Variants in TBC1D5 observed in about 807,000 individuals in gnomAD.
TBC1D5 encodes the protein TBC1 domain family member 5, also known as TBC1 domain family, member 5.
In TBC1D5, 75 loss-of-function variants were observed where a neutral mutation model predicts 100.3. The observed-to-expected ratio is 0.75, with a 90% CI of 0.62 to 0.91. The LOEUF (loss-of-function observed/expected upper bound fraction) is 0.91. Ranked by LOEUF, TBC1D5 falls within the 40% of genes least tolerant of loss-of-function variation. The pLI is 0.00. For missense variants in TBC1D5, 910 were observed against 942.4 expected, an observed-to-expected ratio of 0.97 and a Z score of 0.45; for synonymous variants, 323 against 325.6, an observed-to-expected ratio of 0.99 and a Z score of 0.09.
At chr3:17,560,491 A>C (rs112008513) in intron 2 of TBC1D5, among the ~76,000 whole-genome samples, 3 of 151,998 alleles carry the variant, frequency 2.0e-5, no homozygotes, top group African/African-American at 7.3e-5. Flanking sequence ...TGGTGGTATG[A>C]ATCTGTAGTC....
At chr3:17,368,157 A>G (rs766380268) in intron 13 of TBC1D5, among the ~76,000 whole-genome samples, 2 of 150,540 alleles carry the variant, frequency 1.3e-5, no homozygotes, top group African/African-American at 4.9e-5. Context: ...AAACTGTTAT[A>G]TAATATTCAA....
rs138743469 is a variant in TBC1D5 at position 17,450,150 on chromosome 3, T to C, written c.98-21631A>G. 1.5e-3 allele frequency among the ~76,000 whole-genome samples: 230 copies of C among 152,200 alleles called. 6 individuals carry two copies. In the East Asian group the frequency reaches 0.035, roughly 23 times the overall value. On this transcript the variant is annotated intron_variant, in intron 3 of 21. Transcript: ENST00000253692. Reference sequence around the variant, plus strand: ...AATTGCAGAAGAGGGGCCTGACTGTTAGAAAGTAAACTAACAAACAGAAAG... The same window carrying C: ...AATTGCAGAAGAGGGGCCTGACTGTCAGAAAGTAAACTAACAAACAGAAAG...
chr3:17,563,161 G>A (rs558939737), intron 2 of TBC1D5, among the ~76,000 whole-genome samples: 1 of 152,272 alleles, frequency 6.6e-6, no homozygotes, highest in South Asian at 2.1e-4. Context: ...GACTAAAATT[G>A]GGAATACTAG....
chr3:17,191,465 G>A (rs2069883415), intron 18 of TBC1D5, among the ~76,000 whole-genome samples: 1 of 152,180 alleles, frequency 6.6e-6, no homozygotes, highest in African/African-American at 2.4e-5. Flanking sequence ...ATGAATGCAT[G>A]CAAGAATAAC....
At chr3:17,346,105 T>G (rs1272858135) in intron 13 of TBC1D5, among the ~76,000 whole-genome samples, 1 of 152,136 alleles carries the variant, frequency 6.6e-6, no homozygotes, top group Non-Finnish European at 1.5e-5. Flanking sequence ...ATAATACTAT[T>G]GCCAAAAAAT....
chr3:17,564,921 A>T (rs908046226), intron 2 of TBC1D5, among the ~76,000 whole-genome samples: 2 of 152,194 alleles, frequency 1.3e-5, no homozygotes, highest in Non-Finnish European at 2.9e-5. Flanking sequence ...AACATCATAT[A>T]TTCATTTTTG....
chr3:17,333,812 A>C (rs2087246595), intron 13 of TBC1D5, among the ~76,000 whole-genome samples: 2 of 152,170 alleles, frequency 1.3e-5, no homozygotes, highest in South Asian at 4.1e-4. Flanking sequence ...GCTAAGGTCC[A>C]TTAGAAGCTA....
intron 19 of TBC1D5, among the ~76,000 whole-genome samples, chr3:17,175,452 AT>A (rs2067615429): frequency 1.3e-5 from 2 of 152,198 alleles, no homozygotes; most frequent in Non-Finnish European, 2.9e-5. Context: ...TCCCAGTAAA[AT>A]CTGTCATAAT....
chr3:17,447,248 G>A (rs943657219), intron 3 of TBC1D5, among the ~76,000 whole-genome samples: 14 of 152,176 alleles, frequency 9.2e-5, no homozygotes, highest in Admixed American at 5.2e-4. Flanking sequence ...CTCAGAAAAC[G>A]AGAATAAAGC....
intron 1 of TBC1D5, among the ~76,000 whole-genome samples, chr3:17,684,736 C>G (rs1321980660): frequency 6.6e-6 from 1 of 151,838 alleles, no homozygotes; most frequent in African/African-American, 2.4e-5. Flanking sequence ...ATAAAAATTT[C>G]CATAAGAAAT....
chr3:17,595,036 C>G (rs1403657084), intron 2 of TBC1D5, among the ~76,000 whole-genome samples: 2 of 152,078 alleles, frequency 1.3e-5, no homozygotes, highest in Non-Finnish European at 2.9e-5. Flanking sequence ...TATAAGCAGG[C>G]AGAAAAGTGT....
intron 1 of TBC1D5, among the ~76,000 whole-genome samples, chr3:17,691,219 G>T (rs74536633): frequency 0.022 from 3,400 of 152,192 alleles, 110 homozygotes; most frequent in African/African-American, 0.077. Flanking sequence ...GAACCACAAA[G>T]ATCTCCCTCC....
At chr3:17,687,819 C>G (rs1371536162) in intron 1 of TBC1D5, among the ~76,000 whole-genome samples, 1 of 152,162 alleles carries the variant, frequency 6.6e-6, no homozygotes, top group Non-Finnish European at 1.5e-5. Flanking sequence ...CACACTTAAC[C>G]ACTTGGAAGG....
At chr3:17,480,063 A>G (rs896146500) in intron 3 of TBC1D5, among the ~76,000 whole-genome samples, 4 of 152,152 alleles carry the variant, frequency 2.6e-5, no homozygotes, top group Non-Finnish European at 5.9e-5. Flanking sequence ...CTCTGGAGTG[A>G]AGCAAAGCTG....
At position 17,650,173 on chromosome 3, in the gene TBC1D5, A is replaced by G. The variant is rs1212529756; in HGVS notation, c.-100-26260T>C. Among the ~76,000 whole-genome samples, 4 of 152,144 alleles carry G rather than the reference A, an allele frequency of 2.6e-5. No individual in the cohort carries two copies. In the South Asian group the frequency reaches 6.2e-4, roughly 24 times the overall value. ...GGGGGGCTGGGGAAGGGATAGCATT[A>G]GGAGAAATACCTCATGTAGGTGACG... On this transcript the variant is annotated intron_variant, in intron 1 of 21. Coordinates refer to ENST00000253692, the Ensembl canonical transcript of TBC1D5.
intron 15 of TBC1D5, among the ~76,000 whole-genome samples, chr3:17,286,106 G>A (rs1181265229): frequency 2.0e-5 from 3 of 152,080 alleles, no homozygotes; most frequent in African/African-American, 7.2e-5. Flanking sequence ...TACATGTACT[G>A]TATTTCATTT....
At chr3:17,302,298 T>G (rs1314819318) in intron 14 of TBC1D5, among the ~76,000 whole-genome samples, 1 of 151,516 alleles carries the variant, frequency 6.6e-6, no homozygotes, top group African/African-American at 2.4e-5. Flanking sequence ...TGTATATACC[T>G]TCACATTGTC....
intron 1 of TBC1D5, among the ~76,000 whole-genome samples, chr3:17,729,833 G>A (rs897516647): frequency 1.3e-5 from 2 of 152,156 alleles, no homozygotes; most frequent in Admixed American, 1.3e-4. Flanking sequence ...TGTTGGTCAG[G>A]CATGGTGGCT....
chr3:17,657,975 T>C (rs1388586402), intron 1 of TBC1D5, among the ~76,000 whole-genome samples: 1 of 152,230 alleles, frequency 6.6e-6, no homozygotes, highest in Non-Finnish European at 1.5e-5. Flanking sequence ...AAGATTATAA[T>C]ACTGTAATTT....
Sources: allele counts gnomAD v4.1 joint callset (sites outside exome capture counted in the v4.1 genomes callset), GRCh38; gene constraint gnomAD v4.1.1; transcripts MANE v1.5; gene names NCBI Gene and HGNC (gene_info 2026-07-23, HGNC 2026-07-21).